Variants in COPG2 observed in about 807,000 individuals in gnomAD.
The protein encoded by COPG2 is coatomer subunit gamma-2.
In COPG2, 37 loss-of-function variants were observed where a neutral mutation model predicts 46.3. That is an observed-to-expected ratio of 0.80 (90% CI 0.61 to 1.05). The LOEUF is 1.05. COPG2 is among the 50% of genes least tolerant of loss of function. The pLI is 0.00. For missense variants in COPG2, 427 were observed against 387.8 expected (o/e 1.10, Z -0.85); for synonymous variants, 159 against 129.7 (o/e 1.23, Z -1.53).
intron 20 of COPG2, among the ~76,000 whole-genome samples, chr7:130,524,353 A>C (rs1185684489): frequency 1.3e-5 from 2 of 152,078 alleles, no homozygotes; most frequent in African/African-American, 4.8e-5. Context: ...AAAATGCAGG[A>C]GGGTGCAGGT....
chr7:130,560,602 G>C (rs1793703234), intron 12 of COPG2, among the ~76,000 whole-genome samples: 1 of 152,154 alleles, frequency 6.6e-6, no homozygotes, highest in Admixed American at 6.5e-5. Context: ...GTGTGGTACT[G>C]GTACTGGATT....
chr7:130,637,880 T>C (rs1795376187), intron 5 of COPG2, among the ~76,000 whole-genome samples: 1 of 152,218 alleles, frequency 6.6e-6, no homozygotes, highest in Non-Finnish European at 1.5e-5. Flanking sequence ...TGGTCTTTGA[T>C]GTTGGTGACC....
intron 20 of COPG2, among the ~76,000 whole-genome samples, chr7:130,544,081 T>C (rs1054575960): frequency 7.2e-5 from 11 of 152,200 alleles, no homozygotes; most frequent in African/African-American, 1.9e-4. Context: ...CTGAATCAAA[T>C]GTTCTACCAA....
intron 20 of COPG2, among the ~76,000 whole-genome samples, chr7:130,512,097 G>A (rs537204560): frequency 1.1e-4 from 17 of 151,076 alleles, no homozygotes; most frequent in Non-Finnish European, 2.2e-4. Context: ...AGCCGGGCGT[G>A]GTGGCCCATG....
intron 4 of COPG2, among the ~76,000 whole-genome samples, chr7:130,657,661 A>T (rs1554460065): frequency 1.3e-5 from 2 of 152,226 alleles, no homozygotes; most frequent in South Asian, 4.1e-4. Context: ...TCCAGAATGC[A>T]TAAAGACCTC....
chr7:130,659,126 C>T (rs1056132036), intron 4 of COPG2, among the ~76,000 whole-genome samples: 8 of 151,934 alleles, frequency 5.3e-5, no homozygotes, highest in African/African-American at 1.7e-4. Context: ...GAGGCTGAGA[C>T]GGGCGGATCA....
intron 4 of COPG2, among the ~76,000 whole-genome samples, chr7:130,658,278 A>G (rs1390990117): frequency 6.6e-6 from 1 of 152,236 alleles, no homozygotes; most frequent in Admixed American, 6.5e-5. Context: ...GTAACTGAAA[A>G]GAAACTCAAA....
At chr7:130,542,011 T>C (rs1231576519) in intron 20 of COPG2, among the ~76,000 whole-genome samples, 1 of 123,008 alleles carries the variant, frequency 8.1e-6, no homozygotes, top group Non-Finnish European at 1.7e-5. Context: ...GTTTGCAGCA[T>C]ATGGGAGAGC....
At chr7:130,644,176 T>G (rs1430886105) in intron 5 of COPG2, among the ~76,000 whole-genome samples, 2 of 152,162 alleles carry the variant, frequency 1.3e-5, no homozygotes, top group Non-Finnish European at 2.9e-5. Context: ...AATCTTGGAC[T>G]CACGTCAATC....
At chr7:130,636,057 G>A (rs1340384922) in intron 5 of COPG2, among the ~76,000 whole-genome samples, 3 of 152,132 alleles carry the variant, frequency 2.0e-5, no homozygotes, top group Admixed American at 6.5e-5. Context: ...ATTGCACCAT[G>A]GTCTGAGCAA....
At chr7:130,609,189 T>G (rs1794792683) in intron 9 of COPG2, among the ~76,000 whole-genome samples, 1 of 152,086 alleles carries the variant, frequency 6.6e-6, no homozygotes, top group East Asian at 1.9e-4. Context: ...CCCCTTTCAT[T>G]CATTTTGGAA....
intron 9 of COPG2, among the ~76,000 whole-genome samples, chr7:130,566,992 C>G (rs1027358894): frequency 9.7e-4 from 148 of 152,284 alleles, no homozygotes; most frequent in African/African-American, 3.2e-3. Flanking sequence ...TGGAATCAAC[C>G]TAGATACCCA....
At chr7:130,558,193 T>C (rs1396403258) in intron 12 of COPG2, among the ~76,000 whole-genome samples, 1 of 152,140 alleles carries the variant, frequency 6.6e-6, no homozygotes, top group African/African-American at 2.4e-5. Flanking sequence ...AAATCTCATG[T>C]TGAATTGTAA....
At chr7:130,598,022 G>A (rs1460588658) in intron 9 of COPG2, among the ~76,000 whole-genome samples, 1 of 152,164 alleles carries the variant, frequency 6.6e-6, no homozygotes, top group Non-Finnish European at 1.5e-5. Context: ...TGACACCCAG[G>A]GGGATTCTTC....
chr7:130,556,840 G>GA (rs1373975091), intron 12 of COPG2, among the ~76,000 whole-genome samples: 37 of 149,326 alleles, frequency 2.5e-4, no homozygotes, highest in East Asian at 1.4e-3. Flanking sequence ...AAACATTCTT[G>GA]AAAAAAAAAG....
chr7:130,538,359 G>A (rs1380868546), intron 20 of COPG2, among the ~76,000 whole-genome samples: 1 of 152,088 alleles, frequency 6.6e-6, no homozygotes, highest in East Asian at 1.9e-4. Context: ...GGTGCAGGAG[G>A]GGAAAGAACA....
intron 20 of COPG2, chr7:130,510,850 G>C (rs538324390): frequency 7.9e-6 from 4 of 508,132 alleles, no homozygotes; most frequent in African/African-American, 7.7e-5. Context: ...GGCAAGATGC[G>C]GGGGCCTTTC....
At chr7:130,519,939 T>A (rs1799711700) in intron 20 of COPG2, among the ~76,000 whole-genome samples, 1 of 152,216 alleles carries the variant, frequency 6.6e-6, no homozygotes, top group Non-Finnish European at 1.5e-5. Flanking sequence ...GTGGGAAATT[T>A]ATTTCTTAAG....
intron 9 of COPG2, among the ~76,000 whole-genome samples, chr7:130,594,919 G>C (rs188604138): frequency 6.6e-6 from 1 of 152,300 alleles, no homozygotes; most frequent in East Asian, 1.9e-4. Flanking sequence ...CTGATAAAAT[G>C]GAAAATGGTG....
Sources: gnomAD v4.1 joint callset for allele counts (sites outside exome capture counted in the v4.1 genomes callset) on GRCh38, gnomAD v4.1.1 for gene constraint, MANE v1.5 for transcripts, NCBI Gene and HGNC (gene_info 2026-07-23, HGNC 2026-07-21) for gene names.